Variants in SDAD1 observed in about 807,000 individuals in gnomAD.
SDAD1 encodes the protein protein SDA1 homolog.
A neutral mutation model predicts 100.3 loss-of-function variants in SDAD1; 79 were observed. The ratio of observed to expected loss-of-function variants is 0.79; its 90% CI spans 0.66 to 0.95. The LOEUF is 0.95. SDAD1 is among the 40% of genes least tolerant of loss of function. The pLI is 0.00. For synonymous variants in SDAD1, 267 were observed against 271.4 expected, an observed-to-expected ratio of 0.98 and a Z score of 0.16; for missense variants, 790 against 810.9, an observed-to-expected ratio of 0.97 and a Z score of 0.31.
At chr4:75,977,858 A>G in intron 3 of SDAD1, 102 bp from the exon 4 acceptor site, 4 of 687,086 alleles carry the variant, frequency 5.8e-6, no homozygotes. Flanking sequence ...TACTAACTAG[A>G]CACTATTGTA....
At chr4:75,990,725 C>CT in intron 1 of SDAD1, 27 bp downstream of exon 1, 1 of 1,613,522 alleles carries the variant, frequency 6.2e-7, no homozygotes, top group Non-Finnish European at 8.5e-7. Flanking sequence ...TATCCGGCCT[C>CT]TAGCGTCTGC....
rs1228582477 is a variant in SDAD1, at chr4:75,950,106, C to CAAAACA, written c.*638_*643dup. The CAAAACA allele has an allele frequency of 4.9e-5, 5 of 102,136 alleles. No homozygotes were observed. The highest frequency in any genetic ancestry group is 1.4e-4 in the Admixed American group (1 of 7,106). 6.3% of individuals were successfully genotyped at this position (102,136 alleles called of 1,614,324 possible). ...AACCAAAAAGCCTTTACATGGCATTCAAAACAAAAACAAAAACAAAAAAAA... is the reference window on the plus strand; with the variant it reads ...AACCAAAAAGCCTTTACATGGCATTCAAAACAAAAACAAAAACAAAAACAAAAAAAA... On this transcript the variant is annotated 3_prime_UTR_variant, in exon 22 of 22. Transcript: ENST00000356260.
intron 1 of SDAD1, among the ~76,000 whole-genome samples, chr4:75,989,608 C>T (rs72653606): frequency 2.4e-3 from 367 of 152,358 alleles, no homozygotes; most frequent in South Asian, 8.5e-3. Context: ...GCTTCGGTTA[C>T]ACAACTGGTT....
At chr4:75,978,059 C>A (rs1730257216) in intron 3 of SDAD1, among the ~76,000 whole-genome samples, 1 of 152,072 alleles carries the variant, frequency 6.6e-6, no homozygotes, top group Non-Finnish European at 1.5e-5. Context: ...CAAGTAAGGT[C>A]TCTTTGTAGT....
intron 1 of SDAD1, among the ~76,000 whole-genome samples, chr4:75,985,967 T>A (rs1300220486): frequency 1.3e-5 from 2 of 152,140 alleles, no homozygotes; most frequent in African/African-American, 4.8e-5. Context: ...TATAATCACC[T>A]CCATGCGTAT....
intron 14 of SDAD1, among the ~76,000 whole-genome samples, chr4:75,961,565 T>G (rs1729231439): frequency 6.6e-6 from 1 of 151,878 alleles, no homozygotes; most frequent in Non-Finnish European, 1.5e-5. Flanking sequence ...AGCATTTACT[T>G]GCCAACTCTA....
At position 75,990,749 on chromosome 4, in the gene SDAD1, C is replaced by T; in HGVS notation, c.90+3G>A. On this transcript the variant is annotated splice_donor_region_variant and intron_variant, in intron 1 of 21. Transcript: ENST00000356260. ...TCTAGCGTCTGCCGCGCCGCACTCC[C>T]ACCTCCTCGATGTAGGCCGGCGGGT... 1 of 1,613,952 alleles carries T rather than the reference C, an allele frequency of 6.2e-7. No homozygotes were observed. Among genetic ancestry groups the T allele is most frequent in the Non-Finnish European group, 8.5e-7 (1 of 1,179,906 alleles).
intron 21 of SDAD1, 67 bp from the exon 22 acceptor site, chr4:75,950,864 T>A: frequency 9.1e-7 from 1 of 1,100,174 alleles, no homozygotes. Flanking sequence ...TTTGGTTACA[T>A]GAAAGTTTAC....
intron 1 of SDAD1, among the ~76,000 whole-genome samples, chr4:75,988,488 T>A (rs945741877): frequency 6.6e-6 from 1 of 152,158 alleles, no homozygotes; most frequent in East Asian, 1.9e-4. Context: ...TCCCTAACTA[T>A]CCAATTTAAA....
chr4:75,982,796 C>T (rs975633438), intron 1 of SDAD1, among the ~76,000 whole-genome samples: 1 of 151,770 alleles, frequency 6.6e-6, no homozygotes, highest in South Asian at 2.1e-4. Context: ...CCACTGCCAC[C>T]CCTTTTTAAA....
chr4:75,950,907 T>G, intron 21 of SDAD1, 110 bp from the exon 22 acceptor site: 1 of 607,628 alleles, frequency 1.6e-6, no homozygotes, highest in Non-Finnish European at 2.9e-6. Context: ...TACACCATCC[T>G]GAAAAACTAT....
chr4:75,961,182 TG>T lies in SDAD1; in HGVS notation c.1279+28del, dbSNP rs1454031996. ...TAAAAAGGAGTCACACTGTACTCTT[TG>T]GTGTGTAGAGAGTAACATGCAGCTT... On this transcript the variant is annotated intron_variant, in intron 15 of 21. Transcript: ENST00000356260. 3.1e-6 allele frequency: 5 copies of T among 1,607,048 alleles called. No individual in the cohort carries two copies. The South Asian group carries it at 4.4e-5, about 14-fold the overall frequency.
At chr4:75,956,573 T>C (rs1728909984) in intron 20 of SDAD1, among the ~76,000 whole-genome samples, 1 of 151,692 alleles carries the variant, frequency 6.6e-6, no homozygotes, top group Non-Finnish European at 1.5e-5. Flanking sequence ...CTCAAACAAG[T>C]GGAGATACAG....
chr4:75,975,368 G>C (rs546005304), intron 6 of SDAD1, among the ~76,000 whole-genome samples: 1 of 152,314 alleles, frequency 6.6e-6, no homozygotes, highest in East Asian at 1.9e-4. Context: ...GCAGAAGAGA[G>C]AGCACAGATT....
chr4:75,983,140 G>A (rs561697789), intron 1 of SDAD1, among the ~76,000 whole-genome samples: 2 of 152,246 alleles, frequency 1.3e-5, no homozygotes, highest in South Asian at 4.2e-4. Context: ...TTTTATGGCT[G>A]CATAGTATTC....
In SDAD1 at chr4:75,981,962, G is replaced by A. The variant is rs541634821; in HGVS notation, c.166C>T (p.Leu56=). 1.2e-5 allele frequency: 20 copies of A among 1,610,934 alleles called. No individual in the cohort carries two copies. The South Asian group carries it at 2.2e-4, about 18-fold the overall frequency. The change falls in exon 2 of 22, where the codon CTA becomes TTA. Residue 56 remains leucine (L), a synonymous_variant. Transcript: ENST00000356260. ...KLQPNKPSKE[L]AELVMFMAQI... The stretch of plus-strand genomic sequence containing the variant: ...GCCATAAACATCACCAGCTCTGCTA[G>A]TTCTTTGCTGGGTTTATTTGGTTGC...
Position 75,973,375 on chromosome 4 carries a change from A to C in SDAD1, c.653T>G (p.Leu218Trp). 1 of 1,613,584 alleles carries C rather than the reference A, an allele frequency of 6.2e-7. No individual in the cohort carries two copies. Among genetic ancestry groups the C allele is most frequent in the African/African-American group, 1.3e-5 (1 of 75,030 alleles). Residue 218 changes from leucine (L) to tryptophan (W), a missense_variant, in exon 8 of 22, where the codon TTG (leucine) becomes TGG (tryptophan). Coordinates refer to ENST00000356260, the MANE Select transcript of SDAD1 (RefSeq NM_018115.4). ...TTCATCTTTCCCAAGAAAGAATGTC[A>C]AAGCGGCAACTAATATCTAAACACC... ...SKVTKILVAALTFFLGKDEDE... is the reference protein window; with the variant it reads ...SKVTKILVAAWTFFLGKDEDE...
At chr4:75,978,525 C>T (rs1730288622) in intron 3 of SDAD1, among the ~76,000 whole-genome samples, 1 of 152,012 alleles carries the variant, frequency 6.6e-6, no homozygotes, top group Admixed American at 6.6e-5. Flanking sequence ...TTGCTTACCA[C>T]CAACTCTTAC....
At chr4:75,978,685 C>T (rs1277498183) in intron 3 of SDAD1, among the ~76,000 whole-genome samples, 1 of 151,940 alleles carries the variant, frequency 6.6e-6, no homozygotes, top group South Asian at 2.1e-4. Flanking sequence ...CTTTCAAAAA[C>T]AAGGGCAAGG....
Sources: allele counts gnomAD v4.1 joint callset (sites outside exome capture counted in the v4.1 genomes callset), GRCh38; gene constraint gnomAD v4.1.1; transcripts MANE v1.5; gene names NCBI Gene and HGNC (gene_info 2026-07-23, HGNC 2026-07-21).